ZCCHC14: variants seen among roughly 807,000 people sequenced by gnomAD.
ZCCHC14 encodes the protein zinc finger CCHC-type containing 14.
ZCCHC14 carries 16 observed loss-of-function variants against 85.0 expected under a neutral mutation model. The ratio of observed to expected loss-of-function variants is 0.19; its 90% CI spans 0.13 to 0.29. The LOEUF (loss-of-function observed/expected upper bound fraction) is 0.29. Ranked by LOEUF, ZCCHC14 falls within the 10% of genes least tolerant of loss-of-function variation. The pLI, the probability that ZCCHC14 is intolerant of heterozygous loss-of-function variation, is 1.00. For synonymous variants in ZCCHC14, 775 were observed against 630.7 expected (o/e 1.23, Z -3.43); for missense variants, 1,303 against 1,443.5 (o/e 0.90, Z 1.58).
intron 1 of ZCCHC14, among the ~76,000 whole-genome samples, chr16:87,487,093 G>C (rs1363165451): frequency 3.3e-5 from 5 of 152,204 alleles, no homozygotes; most frequent in Non-Finnish European, 5.9e-5. Flanking sequence ...CGAAGCAAAA[G>C]CTGTTGCTGA....
At chr16:87,432,037 G>T (rs192148168) in intron 3 of ZCCHC14, among the ~76,000 whole-genome samples, 4 of 152,332 alleles carry the variant, frequency 2.6e-5, no homozygotes, top group Admixed American at 2.6e-4. Context: ...ACCAAGTGGA[G>T]ACTTGTCCCT....
chr16:87,437,051 A>G (rs1909958566), intron 2 of ZCCHC14, among the ~76,000 whole-genome samples: 1 of 152,012 alleles, frequency 6.6e-6, no homozygotes, highest in African/African-American at 2.4e-5. Context: ...GCCTAGATAA[A>G]TTCAGGGGCG....
intron 2 of ZCCHC14, among the ~76,000 whole-genome samples, chr16:87,456,278 C>A (rs2150755311): frequency 6.6e-6 from 1 of 152,166 alleles, no homozygotes; most frequent in African/African-American, 2.4e-5. Context: ...CGCCTGTAAT[C>A]CCAGCACTTT....
chr16:87,436,039 T>C (rs1041613166), intron 2 of ZCCHC14, among the ~76,000 whole-genome samples: 5 of 152,170 alleles, frequency 3.3e-5, no homozygotes, highest in East Asian at 1.9e-4. Context: ...TGTCAATGAA[T>C]ACAGAAACAT....
chr16:87,465,285 C>T (rs142121846), intron 1 of ZCCHC14, among the ~76,000 whole-genome samples: 34 of 152,310 alleles, frequency 2.2e-4, no homozygotes, highest in African/African-American at 7.7e-4. Flanking sequence ...TGAAGCAGGC[C>T]GTTAATAAGG....
At chr16:87,478,294 G>T (rs993352030) in intron 1 of ZCCHC14, among the ~76,000 whole-genome samples, 1 of 152,198 alleles carries the variant, frequency 6.6e-6, no homozygotes, top group African/African-American at 2.4e-5. Flanking sequence ...GAAGCCAACA[G>T]ATAATAAGCC....
rs932664771 is a variant in ZCCHC14, at chr16:87,481,593, A to T, written c.570+10076T>A. Reference sequence around the variant, plus strand: ...GGGAAAGGAAGGAGAGGAAGAAAGGAAAGTACAGGGGGAAAGAAAGGGAGA... The same window carrying T: ...GGGAAAGGAAGGAGAGGAAGAAAGGTAAGTACAGGGGGAAAGAAAGGGAGA... On this transcript the variant is annotated intron_variant, in intron 1 of 12. Coordinates refer to ENST00000671377, the MANE Select transcript of ZCCHC14 (RefSeq NM_015144.3). Among the ~76,000 whole-genome samples the T allele has an allele frequency of 3.0e-5, 4 of 132,054 alleles. 1 individual carries two copies. In the East Asian group the frequency reaches 9.9e-4, roughly 33 times the overall value. The allele number at this position is 132,054 out of a possible 152,430, so 86.6% of individuals were successfully genotyped here.
At chr16:87,481,526 C>CGA (rs1555525655) in intron 1 of ZCCHC14, among the ~76,000 whole-genome samples, 3 of 2,432 alleles carry the variant, frequency 1.2e-3, no homozygotes, top group East Asian at 0.018. Context: ...GGGAGAGAAA[C>CGA]GGGGGGGGGG....
chr16:87,411,736 C>G lies in ZCCHC14; in HGVS notation c.2985G>C (p.Gly995=). Residue 995 remains glycine (G), a synonymous_variant, in exon 12 of 13, where the codon GGG becomes GGC. Transcript: ENST00000671377. ...GCCCACTCAGGACAGGGTCTGGGGT[C>G]CCGCTGCTGCTGTAAGGGGCGTGCA... ...PVVHAPYSSS[G]TPDPVLSGQS... 1 of 1,613,780 alleles carries G rather than the reference C, an allele frequency of 6.2e-7. No individual in the cohort carries two copies. Among genetic ancestry groups the G allele is most frequent in the African/African-American group, 1.3e-5 (1 of 74,930 alleles).
At position 87,462,529 on chromosome 16, in the gene ZCCHC14, G is replaced by A. The variant is rs377333288; in HGVS notation, c.571-2398C>T. On this transcript the variant is annotated intron_variant, in intron 1 of 12. Transcript: ENST00000671377. The stretch of plus-strand genomic sequence containing the variant: ...GCCGAGGCAGGTGGATCACAAGGTC[G>A]GGAGATCAAGACCATCCTGGCTAAC... Among the ~76,000 whole-genome samples, 509 of 148,924 alleles carry A rather than the reference G, an allele frequency of 3.4e-3. 2 individuals are homozygous for A. Among genetic ancestry groups the A allele is most frequent in the South Asian group, 7.3e-3 (34 of 4,628 alleles).
chr16:87,483,744 A>G (rs1485212511), intron 1 of ZCCHC14, among the ~76,000 whole-genome samples: 1 of 152,220 alleles, frequency 6.6e-6, no homozygotes, highest in Non-Finnish European at 1.5e-5. Flanking sequence ...TGGGAATTCT[A>G]AAAGCAGATC....
chr16:87,491,505 G>T lies in ZCCHC14; in HGVS notation c.570+164C>A, dbSNP rs1358523867. 2.0e-5 allele frequency among the ~76,000 whole-genome samples: 3 copies of T among 152,038 alleles called. No homozygotes were observed. The highest frequency in any genetic ancestry group is 2.9e-5 in the Non-Finnish European group (2 of 67,994). On this transcript the variant is annotated intron_variant, in intron 1 of 12. Transcript: ENST00000671377. This position sits in a 1 kb window ranked among gnomAD's most constrained non-coding sequence, Gnocchi z 5.9. ...CATAGAGGCTTAGGATGGGGCTTGGGATACGGGCTGGGGGCTCGTGGTGCA... is the reference window on the plus strand; with the variant it reads ...CATAGAGGCTTAGGATGGGGCTTGGTATACGGGCTGGGGGCTCGTGGTGCA...
At chr16:87,433,074 A>G (rs1490076260) in intron 3 of ZCCHC14, 54 bp downstream of exon 3, 4 of 1,550,388 alleles carry the variant, frequency 2.6e-6, no homozygotes, top group South Asian at 2.2e-5. Context: ...CTCCAGGGTA[A>G]GTGTTTTCTT....
intron 1 of ZCCHC14, among the ~76,000 whole-genome samples, chr16:87,481,952 C>CGAG (rs968309370): frequency 9.2e-5 from 14 of 152,154 alleles, no homozygotes; most frequent in Non-Finnish European, 1.9e-4. Context: ...TGGTGGAAGG[C>CGAG]AGAAGGGGAA....
chr16:87,458,602 AG>A (rs1475185233), intron 2 of ZCCHC14, among the ~76,000 whole-genome samples: 1 of 152,170 alleles, frequency 6.6e-6, no homozygotes, highest in Non-Finnish European at 1.5e-5. Flanking sequence ...GATCTAAATC[AG>A]AGACAGGTGG....
intron 1 of ZCCHC14, among the ~76,000 whole-genome samples, chr16:87,460,705 G>A (rs1338036747): frequency 6.6e-6 from 1 of 151,888 alleles, no homozygotes; most frequent in Non-Finnish European, 1.5e-5. Flanking sequence ...AAAAAAAAAG[G>A]AACTATGTTA....
At chr16:87,425,317 C>T (rs919004940) in intron 3 of ZCCHC14, among the ~76,000 whole-genome samples, 14 of 152,260 alleles carry the variant, frequency 9.2e-5, no homozygotes, top group Admixed American at 9.1e-4. Context: ...TGGCTCACAC[C>T]TGTAATCCCA....
chr16:87,420,699 A>G lies in ZCCHC14; in HGVS notation c.858T>C (p.Pro286=). The G allele has an allele frequency of 6.2e-7, 1 of 1,613,214 alleles. No individual in the cohort carries two copies. Residue 286 remains proline, a synonymous_variant, in exon 5 of 13, where the codon CCT becomes CCC. Transcript: ENST00000671377. This position sits in a 1 kb window ranked among gnomAD's most constrained non-coding sequence, Gnocchi z 5.0. ...EFISKLCQLY[P]EENLEKLIPC... Reference sequence around the variant, plus strand: ...GAATGAGTTTCTCCAAGTTCTCTTCAGGATAGAGCTGACATAGCTGGAAGA... The same window carrying G: ...GAATGAGTTTCTCCAAGTTCTCTTCGGGATAGAGCTGACATAGCTGGAAGA...
At position 87,417,553 on chromosome 16, in the gene ZCCHC14, A is replaced by AGGGGTCTGC. The variant is rs1908850668; in HGVS notation, c.1281_1289dup (p.Pro430_Thr432dup). On this transcript the variant is annotated inframe_insertion, in exon 8 of 13. Coordinates refer to ENST00000671377, the MANE Select transcript of ZCCHC14 (RefSeq NM_015144.3). Reference sequence around the variant, plus strand: ...GAATCCCATTCTGCTCCTGGGTCTGAGGGGTCTGCAGACTGGAAGGCATGA... The same window carrying AGGGGTCTGC: ...GAATCCCATTCTGCTCCTGGGTCTGAGGGGTCTGCGGGGTCTGCAGACTGGAAGGCATGA... 6.2e-7 allele frequency: 1 copy of AGGGGTCTGC among 1,614,240 alleles called. No individual in the cohort carries two copies. Among genetic ancestry groups the AGGGGTCTGC allele is most frequent in the Non-Finnish European group, 8.5e-7 (1 of 1,180,046 alleles).
Sources: gnomAD v4.1 joint callset for allele counts (sites outside exome capture counted in the v4.1 genomes callset) on GRCh38, gnomAD v4.1.1 for gene constraint, Gnocchi (gnomAD v3.1) non-coding constraint, MANE v1.5 for transcripts, NCBI Gene and HGNC (gene_info 2026-07-23, HGNC 2026-07-21) for gene names.